HNRNPD: variants seen among roughly 807,000 people sequenced by gnomAD.
HNRNPD encodes heterogeneous nuclear ribonucleoprotein D0.
HNRNPD carries 3 observed loss-of-function variants against 47.9 expected under a neutral mutation model. That is an observed-to-expected ratio of 0.06 (90% CI 0.03 to 0.16). The LOEUF is 0.16. Ranked by LOEUF, HNRNPD falls within the 10% of genes least tolerant of loss-of-function variation. The pLI, the probability that HNRNPD is intolerant of heterozygous loss-of-function variation, is 1.00. For missense variants in HNRNPD, 287 were observed against 454.2 expected (o/e 0.63, Z 3.35); for synonymous variants, 171 against 165.1 (o/e 1.04, Z -0.28).
At chr4:82,361,399 T>G (rs751832454) in intron 2 of HNRNPD, among the ~76,000 whole-genome samples, 3 of 152,214 alleles carry the variant, frequency 2.0e-5, no homozygotes, top group Non-Finnish European at 4.4e-5. Context: ...GACCATAAGT[T>G]CCACAACAGA....
chr4:82,361,928 T>C (rs1719467345), intron 2 of HNRNPD, among the ~76,000 whole-genome samples: 1 of 152,154 alleles, frequency 6.6e-6, no homozygotes, highest in African/African-American at 2.4e-5. Flanking sequence ...TAATCAAATA[T>C]CAATTATCCA....
At chr4:82,373,317 C>A in intron 1 of HNRNPD, 129 bp downstream of exon 1, 1 of 1,240,320 alleles carries the variant, frequency 8.1e-7, no homozygotes, top group Non-Finnish European at 1.1e-6. Context: ...AAAAGGGAGA[C>A]CAGTGCAAGG....
In HNRNPD at chr4:82,357,444, C is replaced by A; in HGVS notation, c.622G>T (p.Val208Leu). The A allele has an allele frequency of 1.3e-6, 2 of 1,594,276 alleles. No homozygotes were observed. The highest frequency in any genetic ancestry group is 1.7e-6 in the Non-Finnish European group (2 of 1,174,672). Residue 208 changes from valine to leucine, a missense_variant and splice_region_variant, in exon 5 of 9, where the codon GTG becomes TTG. Val to Leu is a conservative substitution (Grantham distance 32, BLOSUM62 1). Coordinates refer to ENST00000313899, the MANE Select transcript of HNRNPD (RefSeq NM_031370.3). ...TCCATGGGGAGCTCTATGGATTCCACCTGGTATTAAAAAACAAATTTTAAT... is the reference window on the plus strand; with the variant it reads ...TCCATGGGGAGCTCTATGGATTCCAACTGGTATTAAAAAACAAATTTTAAT... Reference protein sequence around the residue: ...IREYFGGFGEVESIELPMDNK... With the variant: ...IREYFGGFGELESIELPMDNK...
At chr4:82,356,330 G>C in intron 7 of HNRNPD, 2 of 487,342 alleles carry the variant, frequency 4.1e-6, no homozygotes, top group Non-Finnish European at 7.2e-6. Context: ...AACATATATA[G>C]AACCACACAT....
intron 2 of HNRNPD, among the ~76,000 whole-genome samples, chr4:82,367,864 T>C (rs771559025): frequency 1.3e-5 from 2 of 152,198 alleles, no homozygotes; most frequent in African/African-American, 2.4e-5. Flanking sequence ...ACACAAGCTA[T>C]GAAAGCAGGC....
At position 82,356,828 on chromosome 4, in the gene HNRNPD, C is replaced by T. The variant is rs780546198; in HGVS notation, c.821G>A (p.Gly274Glu). The change falls in exon 6 of 9, where the codon GGA (glycine) becomes GAA (glutamate). Residue 274 changes from glycine (G) to glutamate (E), a missense_variant. This residue lies in a region of HNRNPD where 65 missense variants were observed against 107.1 expected (regional missense o/e 0.61). Transcript: ENST00000313899. ...TCTTCCACGAGCTCTTCCTGCAAAT[C>T]CTCCTCTAGATCCCCACTGTTGCTG... ...QQQQQWGSRG[G>E]FAGRARGRGG... 6.2e-7 allele frequency: 1 copy of T among 1,614,142 alleles called. No homozygotes were observed. Among genetic ancestry groups the T allele is most frequent in the South Asian group, 1.1e-5 (1 of 91,070 alleles).
intron 5 of HNRNPD, 103 bp downstream of exon 5, chr4:82,357,210 T>C: frequency 7.5e-7 from 1 of 1,326,320 alleles, no homozygotes. Flanking sequence ...AATGAGAAGT[T>C]TTTAAAGCAT....
rs1251045766 is a variant in HNRNPD at position 82,373,608 on chromosome 4, CCCG to C, written c.68_70del (p.Ala23del). 1.3e-6 allele frequency: 2 copies of C among 1,529,292 alleles called. No individual in the cohort carries two copies. Among genetic ancestry groups the C allele is most frequent in the Non-Finnish European group, 1.7e-6 (2 of 1,143,250 alleles). 94.7% of individuals were successfully genotyped at this position (1,529,292 alleles called of 1,614,324 possible). ...CGCCACCATGGCTCCCTCCTGCTCGCCCGCCGAGCCGCCTACCGCCGCCGTTGC... is the reference window on the plus strand; with the variant it reads ...CGCCACCATGGCTCCCTCCTGCTCGCCCGAGCCGCCTACCGCCGCCGTTGC... On this transcript the variant is annotated inframe_deletion, in exon 1 of 9. Transcript: ENST00000313899.
At chr4:82,360,294 G>A (rs1723907089) in intron 2 of HNRNPD, among the ~76,000 whole-genome samples, 1 of 152,014 alleles carries the variant, frequency 6.6e-6, no homozygotes, top group African/African-American at 2.4e-5. Flanking sequence ...CAGCAATAAA[G>A]TATTTAAGCC....
chr4:82,373,410 G>C, intron 1 of HNRNPD, 36 bp downstream of exon 1: 2 of 1,550,444 alleles, frequency 1.3e-6, no homozygotes, highest in South Asian at 1.2e-5. Flanking sequence ...AGGGGGACTA[G>C]TTGGGCCTGA....
At chr4:82,370,592 A>C (rs1197182681) in intron 2 of HNRNPD, among the ~76,000 whole-genome samples, 1 of 152,080 alleles carries the variant, frequency 6.6e-6, no homozygotes, top group African/African-American at 2.4e-5. Flanking sequence ...CTCCAAGGTA[A>C]AGCTGGACTG....
chr4:82,365,037 T>C (rs867496530), intron 2 of HNRNPD, among the ~76,000 whole-genome samples: 3 of 152,216 alleles, frequency 2.0e-5, no homozygotes, highest in Non-Finnish European at 4.4e-5. Context: ...GTATTCTTTT[T>C]CTATGTTCTA....
chr4:82,372,525 A>C (rs1406284450), intron 1 of HNRNPD, among the ~76,000 whole-genome samples: 1 of 152,158 alleles, frequency 6.6e-6, no homozygotes, highest in African/African-American at 2.4e-5. Context: ...CGGGAAAAAA[A>C]GGGGGCTGGG....
chr4:82,373,761 G>T lies in HNRNPD; in HGVS notation c.-83C>A, dbSNP rs1230056329. ...AACTAGCAGCAAAGTAATCCCCGCCGCTGCCGCGCGCCCGCTCTACCTCGC... is the reference window on the plus strand; with the variant it reads ...AACTAGCAGCAAAGTAATCCCCGCCTCTGCCGCGCGCCCGCTCTACCTCGC... On this transcript the variant is annotated 5_prime_UTR_variant, in exon 1 of 9. Coordinates refer to ENST00000313899, the MANE Select transcript of HNRNPD (RefSeq NM_031370.3). 16 of 1,526,384 alleles carry T rather than the reference G, an allele frequency of 1.0e-5. No individual in the cohort carries two copies. The African/African-American group carries it at 2.1e-4, about 20-fold the overall frequency. 94.6% of individuals were successfully genotyped at this position (1,526,384 alleles called of 1,614,324 possible).
At chr4:82,372,068 A>G (rs1720071974) in intron 1 of HNRNPD, among the ~76,000 whole-genome samples, 1 of 152,070 alleles carries the variant, frequency 6.6e-6, no homozygotes, top group Non-Finnish European at 1.5e-5. Context: ...TTCTCAGTAA[A>G]GGAAATCGTG....
chr4:82,355,313 A>C lies in HNRNPD; in HGVS notation c.*21T>G, dbSNP rs367971264. 7.6e-6 allele frequency: 12 copies of C among 1,577,520 alleles called. No individual in the cohort carries two copies. Among genetic ancestry groups the C allele is most frequent in the Non-Finnish European group, 1.0e-5 (12 of 1,147,650 alleles). Reference sequence around the variant, plus strand: ...TATTTTTAGAACATACCTGTTGGGGATAAGTTGCAAATGGAATAATTTAGT... The same window carrying C: ...TATTTTTAGAACATACCTGTTGGGGCTAAGTTGCAAATGGAATAATTTAGT... On this transcript the variant is annotated 3_prime_UTR_variant, in exon 8 of 9. Coordinates refer to ENST00000313899, the MANE Select transcript of HNRNPD (RefSeq NM_031370.3).
intron 1 of HNRNPD, among the ~76,000 whole-genome samples, chr4:82,372,502 G>A (rs1221033157): frequency 6.6e-6 from 1 of 152,078 alleles, no homozygotes; most frequent in African/African-American, 2.4e-5. Context: ...CACCAAAATA[G>A]GATCCTGGGC....
intron 2 of HNRNPD, among the ~76,000 whole-genome samples, chr4:82,369,598 A>C (rs1046168103): frequency 1.2e-4 from 18 of 152,078 alleles, no homozygotes; most frequent in Non-Finnish European, 2.4e-4. Context: ...TCTTACCCTC[A>C]ATATTGAGAC....
chr4:82,358,919 A>T (rs1723844903), intron 3 of HNRNPD, 99 bp from the exon 4 acceptor site: 1 of 882,872 alleles, frequency 1.1e-6, no homozygotes, highest in Non-Finnish European at 1.7e-6. Flanking sequence ...AGATAATGCC[A>T]AGCATATGTT....
Sources: gnomAD v4.1 joint callset for allele counts (sites outside exome capture counted in the v4.1 genomes callset) on GRCh38, gnomAD v4.1.1 for gene constraint, gnomAD v4.1.1 regional missense constraint, MANE v1.5 for transcripts, NCBI Gene and HGNC (gene_info 2026-07-23, HGNC 2026-07-21) for gene names.